Variants in CCDC88A observed in about 807,000 individuals in gnomAD.
CCDC88A encodes girdin.
In CCDC88A, 54 loss-of-function variants were observed where a neutral mutation model predicts 234.3. The observed-to-expected ratio is 0.23, with a 90% CI of 0.19 to 0.29. The LOEUF (loss-of-function observed/expected upper bound fraction) is 0.29. CCDC88A is among the 10% of genes least tolerant of loss of function. CCDC88A has a pLI of 1.00. For missense variants in CCDC88A, 1,832 were observed against 2,123.4 expected, an observed-to-expected ratio of 0.86 and a Z score of 2.70; for synonymous variants, 753 against 737.8, an observed-to-expected ratio of 1.02 and a Z score of -0.33.
At chr2:55,343,226 T>C (rs1025446887) in intron 12 of CCDC88A, among the ~76,000 whole-genome samples, 3 of 152,258 alleles carry the variant, frequency 2.0e-5, no homozygotes, top group African/African-American at 7.2e-5. Flanking sequence ...AATTAACTAA[T>C]TCTAACTATA....
intron 4 of CCDC88A, among the ~76,000 whole-genome samples, chr2:55,374,258 C>T (rs770294514): frequency 9.2e-5 from 14 of 152,086 alleles, no homozygotes; most frequent in Non-Finnish European, 1.8e-4. Flanking sequence ...ATTCCAGCTA[C>T]TTGGGAGGCT....
At chr2:55,374,215 A>G (rs1450257075) in intron 4 of CCDC88A, among the ~76,000 whole-genome samples, 1 of 152,148 alleles carries the variant, frequency 6.6e-6, no homozygotes, top group East Asian at 1.9e-4. Context: ...CTCTACTAAA[A>G]ATACAGAAAT....
At chr2:55,388,520 A>C (rs1437393751) in intron 3 of CCDC88A, 1 of 206,164 alleles carries the variant, frequency 4.9e-6, no homozygotes, top group African/African-American at 2.3e-5. Context: ...ACACTATGCA[A>C]GTTCTCAGGA....
chr2:55,359,081 T>A (rs1386993219), intron 7 of CCDC88A, among the ~76,000 whole-genome samples: 2 of 152,202 alleles, frequency 1.3e-5, no homozygotes. Context: ...AGCACTTAAT[T>A]ATATGCTAGC....
chr2:55,384,560 C>CACATATACGTATGTATGTGTATATAT (rs1558787993), intron 3 of CCDC88A, among the ~76,000 whole-genome samples: 2 of 19,040 alleles, frequency 1.1e-4, no homozygotes, highest in Admixed American at 6.1e-4. Context: ...TGTATATATA[C>CACATATACGTATGTATGTGTATATAT]ACATATATAC....
At chr2:55,409,393 T>C (rs1285877750) in intron 2 of CCDC88A, among the ~76,000 whole-genome samples, 1 of 152,206 alleles carries the variant, frequency 6.6e-6, no homozygotes, top group African/African-American at 2.4e-5. Context: ...CTTTCCTCCA[T>C]GTAAATCATC....
chr2:55,413,911 C>T (rs1680923490), intron 2 of CCDC88A, among the ~76,000 whole-genome samples: 1 of 151,718 alleles, frequency 6.6e-6, no homozygotes, highest in African/African-American at 2.4e-5. Flanking sequence ...GTGATCATGC[C>T]CCTGCACTCC....
chr2:55,395,999 C>A (rs1677472965), intron 2 of CCDC88A, among the ~76,000 whole-genome samples: 1 of 152,020 alleles, frequency 6.6e-6, no homozygotes, highest in African/African-American at 2.4e-5. Context: ...CAAACAGCAG[C>A]ATGATCAAGA....
chr2:55,373,336 G>C (rs1205460251), intron 4 of CCDC88A, among the ~76,000 whole-genome samples: 6 of 151,984 alleles, frequency 3.9e-5, no homozygotes, highest in Non-Finnish European at 7.4e-5. Flanking sequence ...TACTCCCTCT[G>C]TCTGTCCTCC....
At chr2:55,392,436 T>C (rs999233014) in intron 2 of CCDC88A, among the ~76,000 whole-genome samples, 6 of 152,240 alleles carry the variant, frequency 3.9e-5, no homozygotes, top group African/African-American at 1.2e-4. Context: ...CTGACAGCTC[T>C]ATAGCATTGA....
intron 2 of CCDC88A, among the ~76,000 whole-genome samples, chr2:55,411,850 C>A (rs1680553506): frequency 6.7e-6 from 1 of 149,928 alleles, no homozygotes; most frequent in African/African-American, 2.5e-5. Flanking sequence ...ACTGAAAGCA[C>A]TGTATATTCT....
chr2:55,331,385 CA>C, intron 16 of CCDC88A, among the ~76,000 whole-genome samples: 1 of 152,138 alleles, frequency 6.6e-6, no homozygotes, highest in East Asian at 1.9e-4. Flanking sequence ...TGTTATTACA[CA>C]ACTAACTTTT....
intron 2 of CCDC88A, among the ~76,000 whole-genome samples, chr2:55,413,865 T>C (rs995144251): frequency 6.6e-6 from 1 of 151,764 alleles, no homozygotes; most frequent in Non-Finnish European, 1.5e-5. Flanking sequence ...GGTGGGAGGA[T>C]AGCTTGAGCC....
chr2:55,407,467 T>C (rs1413990946), intron 2 of CCDC88A, among the ~76,000 whole-genome samples: 2 of 151,436 alleles, frequency 1.3e-5, no homozygotes, highest in African/African-American at 4.9e-5. Flanking sequence ...TAGCCAGGCA[T>C]GGTGGTGGGT....
Position 55,308,960 on chromosome 2 carries a change from C to T in CCDC88A, c.4236G>A (p.Arg1412=), listed in dbSNP as rs188147197. The T allele has an allele frequency of 1.6e-5, 26 of 1,614,018 alleles. No individual in the cohort carries two copies. In the Admixed American group the frequency reaches 4.3e-4, roughly 27 times the overall value. ...TTAATGTTAGAGATTTCTGGCGTTC[C>T]CGATTAATATCTTTCTTAGACTTTA... ...KLIKSKKDIN[R]ERQKSLTLTP... The change falls in exon 25 of 33, where the codon CGG becomes CGA. Residue 1412 remains arginine, a synonymous_variant. Transcript: ENST00000436346.
At chr2:55,299,337 AT>A (rs3842555) in intron 29 of CCDC88A, among the ~76,000 whole-genome samples, 8,404 of 152,332 alleles carry the variant, frequency 0.055, 464 homozygotes, top group East Asian at 0.29. Flanking sequence ...AAGAAAAAAA[AT>A]CTTGAAATAA....
intron 8 of CCDC88A, among the ~76,000 whole-genome samples, chr2:55,353,649 C>CAAAAAAAAAAAAAAAA (rs34022778): frequency 1.3e-5 from 1 of 77,080 alleles, no homozygotes; most frequent in Admixed American, 1.5e-4. Context: ...GAAACCAAAC[C>CAAAAAAAAAAAAAAAA]AAAAAAAAAA....
intron 29 of CCDC88A, among the ~76,000 whole-genome samples, chr2:55,299,191 G>GA (rs1191907770): frequency 6.6e-6 from 1 of 152,158 alleles, no homozygotes; most frequent in Non-Finnish European, 1.5e-5. Context: ...GCGACAGAGT[G>GA]AGACTCCGTC....
rs1298491068 is a variant in CCDC88A at position 55,289,637 on chromosome 2, CG to C, written c.*1562del. Reference sequence around the variant, plus strand: ...CTAAGTTACCGGTGGCATTGAAGTACGTAAGTAAGCTCAAGTTCTCTAAGTT... The same window carrying C: ...CTAAGTTACCGGTGGCATTGAAGTACTAAGTAAGCTCAAGTTCTCTAAGTT... On this transcript the variant is annotated 3_prime_UTR_variant, in exon 33 of 33. Transcript: ENST00000436346. 6.6e-6 allele frequency: 1 copy of C among 152,072 alleles called. No individual in the cohort carries two copies. The highest frequency in any genetic ancestry group is 6.6e-5 in the Admixed American group (1 of 15,266). The allele number at this position is 152,072 out of a possible 1,614,324, so 9.4% of individuals were successfully genotyped here.
Sources: gnomAD v4.1 joint callset for allele counts (sites outside exome capture counted in the v4.1 genomes callset) on GRCh38, gnomAD v4.1.1 for gene constraint, MANE v1.5 for transcripts, NCBI Gene and HGNC (gene_info 2026-07-23, HGNC 2026-07-21) for gene names.